WWOX: variants seen among roughly 807,000 people sequenced by gnomAD.
WWOX encodes WW domain-containing oxidoreductase.
WWOX carries 69 observed loss-of-function variants against 46.2 expected under a neutral mutation model. The observed-to-expected ratio is 1.49, with a 90% CI of 1.23 to 1.82. The LOEUF (loss-of-function observed/expected upper bound fraction) is 1.82. Ranked by LOEUF, WWOX falls within the 40% of genes most tolerant of loss-of-function variation. The pLI is 0.00. For missense variants in WWOX, 919 were observed against 542.6 expected, an observed-to-expected ratio of 1.69 and a Z score of -6.89; for synonymous variants, 359 against 202.6, an observed-to-expected ratio of 1.77 and a Z score of -6.56.
intron 8 of WWOX, among the ~76,000 whole-genome samples, chr16:79,180,791 A>C (rs1423195491): frequency 6.6e-6 from 1 of 151,800 alleles, no homozygotes; most frequent in Non-Finnish European, 1.5e-5. Flanking sequence ...CCATTTATCC[A>C]CTCTGAATAG....
At chr16:78,397,888 A>G (rs1434773877) in intron 6 of WWOX, among the ~76,000 whole-genome samples, 2 of 152,220 alleles carry the variant, frequency 1.3e-5, no homozygotes, top group African/African-American at 4.8e-5. Context: ...AAGGAGGTTA[A>G]AGTCAGAAGA....
At chr16:78,914,449 A>T (rs1271417167) in intron 8 of WWOX, among the ~76,000 whole-genome samples, 1 of 152,068 alleles carries the variant, frequency 6.6e-6, no homozygotes, top group Non-Finnish European at 1.5e-5. Flanking sequence ...ACTTTGAAAC[A>T]GTTCCAGATT....
chr16:78,359,342 C>A (rs530317533), intron 5 of WWOX, among the ~76,000 whole-genome samples: 1 of 152,264 alleles, frequency 6.6e-6, no homozygotes, highest in Admixed American at 6.5e-5. Context: ...CTAAAGCTCT[C>A]AGGCTAATTA....
At chr16:78,659,356 C>T (rs116062204) in intron 8 of WWOX, among the ~76,000 whole-genome samples, 2,151 of 152,088 alleles carry the variant, frequency 0.014, 48 homozygotes, top group African/African-American at 0.05. Flanking sequence ...AAAGGCTCGT[C>T]CCCAAGCGAC....
At chr16:78,672,546 A>T (rs1199541700) in intron 8 of WWOX, among the ~76,000 whole-genome samples, 8 of 152,224 alleles carry the variant, frequency 5.3e-5, no homozygotes, top group African/African-American at 1.9e-4. Context: ...GCAGTGTAGC[A>T]TGGCAAGAGA....
At chr16:78,152,816 G>T (rs548819530) in intron 4 of WWOX, among the ~76,000 whole-genome samples, 1 of 152,348 alleles carries the variant, frequency 6.6e-6, no homozygotes, top group South Asian at 2.1e-4. Flanking sequence ...CCTCAGCCTT[G>T]TACTGCCCAA....
chr16:78,891,351 G>T (rs1010000244), intron 8 of WWOX: 2 of 152,030 alleles, frequency 1.3e-5, no homozygotes, highest in African/African-American at 4.8e-5. Flanking sequence ...GACTCTAAAC[G>T]ATTGCGCTTC....
At chr16:78,617,255 A>C (rs1484168825) in intron 8 of WWOX, among the ~76,000 whole-genome samples, 1 of 152,014 alleles carries the variant, frequency 6.6e-6, no homozygotes, top group Non-Finnish European at 1.5e-5. Context: ...AGAAAATATT[A>C]GGTGGGCGTG....
intron 8 of WWOX, chr16:79,106,814 T>C (rs1245889956): frequency 6.8e-6 from 1 of 146,096 alleles, no homozygotes; most frequent in Admixed American, 6.8e-5. Context: ...TCTTTTTTTT[T>C]TTTTTTTTTT....
At chr16:78,928,609 T>A (rs1274982713) in intron 8 of WWOX, among the ~76,000 whole-genome samples, 2 of 152,204 alleles carry the variant, frequency 1.3e-5, no homozygotes, top group Admixed American at 1.3e-4. Flanking sequence ...TAAATACACT[T>A]TCTAAATAGA....
intron 8 of WWOX, among the ~76,000 whole-genome samples, chr16:78,968,098 G>A (rs1218039545): frequency 1.5e-5 from 2 of 131,342 alleles, no homozygotes; most frequent in Non-Finnish European, 3.2e-5. Flanking sequence ...GGTCCGCATG[G>A]CACAGCGCGT....
At chr16:78,352,612 A>G (rs1684587610) in intron 5 of WWOX, among the ~76,000 whole-genome samples, 1 of 152,206 alleles carries the variant, frequency 6.6e-6, no homozygotes. Context: ...ATAATCTGGG[A>G]TAATCTGCCT....
At chr16:78,840,822 C>G (rs559564038) in intron 8 of WWOX, among the ~76,000 whole-genome samples, 1 of 151,936 alleles carries the variant, frequency 6.6e-6, no homozygotes, top group South Asian at 2.1e-4. Context: ...TATTTGTGGT[C>G]TGTGTTTCTT....
intron 5 of WWOX, among the ~76,000 whole-genome samples, chr16:78,175,892 A>G (rs1205822921): frequency 6.6e-6 from 1 of 152,172 alleles, no homozygotes; most frequent in Non-Finnish European, 1.5e-5. Flanking sequence ...TAAGGATAAG[A>G]CATGTATACT....
chr16:78,208,750 A>G (rs2036470949), intron 5 of WWOX, among the ~76,000 whole-genome samples: 1 of 152,222 alleles, frequency 6.6e-6, no homozygotes, highest in African/African-American at 2.4e-5. Context: ...TTAGTTGTAA[A>G]TGATATCTTT....
chr16:78,852,944 C>T (rs767137723), intron 8 of WWOX, among the ~76,000 whole-genome samples: 6 of 152,142 alleles, frequency 3.9e-5, no homozygotes, highest in Non-Finnish European at 7.3e-5. Flanking sequence ...AAATGACATA[C>T]TGGAGATCAG....
intron 8 of WWOX, among the ~76,000 whole-genome samples, chr16:78,623,584 G>A (rs1335221464): frequency 1.3e-5 from 2 of 152,068 alleles, no homozygotes; most frequent in East Asian, 3.9e-4. Context: ...AGAGGCTGAG[G>A]GATGAGAATC....
At chr16:79,190,161 A>G (rs529848795) in intron 8 of WWOX, among the ~76,000 whole-genome samples, 5 of 151,918 alleles carry the variant, frequency 3.3e-5, no homozygotes, top group African/African-American at 1.2e-4. Context: ...AGTAGCTGGG[A>G]TTTTAGGTGT....
intron 8 of WWOX, among the ~76,000 whole-genome samples, chr16:78,520,804 C>T (rs1372451087): frequency 6.6e-6 from 1 of 152,194 alleles, no homozygotes; most frequent in African/African-American, 2.4e-5. Context: ...GACTGATTTT[C>T]TGTTCGTGGC....
Sources: allele counts gnomAD v4.1 joint callset (sites outside exome capture counted in the v4.1 genomes callset), GRCh38; gene constraint gnomAD v4.1.1; transcripts MANE v1.5; gene names NCBI Gene and HGNC (gene_info 2026-07-23, HGNC 2026-07-21).